MIPEP: variants seen among roughly 807,000 people sequenced by gnomAD.
The protein encoded by MIPEP is mitochondrial intermediate peptidase.
In MIPEP, 79 loss-of-function variants were observed where a neutral mutation model predicts 90.3. The ratio of observed to expected loss-of-function variants is 0.87; its 90% CI spans 0.73 to 1.05. The LOEUF (loss-of-function observed/expected upper bound fraction) is 1.05. Ranked by LOEUF, MIPEP falls within the 50% of genes least tolerant of loss-of-function variation. MIPEP has a pLI of 0.00. For missense variants in MIPEP, 940 were observed against 905.6 expected (o/e 1.04, Z -0.49); for synonymous variants, 334 against 315.8 (o/e 1.06, Z -0.61).
At position 23,772,871 on chromosome 13, in the gene MIPEP, TC is replaced by T. The variant is rs536453369; in HGVS notation, c.1849-12655del. ...TTCCCTGCTCTAAGACAGTGACTCT[TC>T]TTTAAAAAATTGAGATAAACATCAC... On this transcript the variant is annotated intron_variant, in intron 16 of 18. Coordinates refer to ENST00000382172, the MANE Select transcript of MIPEP (RefSeq NM_005932.4). 5.4e-3 allele frequency among the ~76,000 whole-genome samples: 821 copies of T among 152,230 alleles called. 9 individuals are homozygous for T. The highest frequency in any genetic ancestry group is 0.019 in the African/African-American group (788 of 41,484).
chr13:23,861,827 T>C (rs1015791973), intron 9 of MIPEP, among the ~76,000 whole-genome samples: 3 of 152,186 alleles, frequency 2.0e-5, no homozygotes, highest in African/African-American at 7.2e-5. Flanking sequence ...TATAATCATA[T>C]GATTGAAAAC....
chr13:23,744,377 G>GA (rs963679141), intron 18 of MIPEP, among the ~76,000 whole-genome samples: 9 of 151,682 alleles, frequency 5.9e-5, no homozygotes, highest in Admixed American at 2.0e-4. Context: ...AAGAGCAAGG[G>GA]AAAAAAAATA....
At chr13:23,750,733 T>G (rs1435549573) in intron 18 of MIPEP, among the ~76,000 whole-genome samples, 1 of 152,236 alleles carries the variant, frequency 6.6e-6, no homozygotes, top group Non-Finnish European at 1.5e-5. Flanking sequence ...TACTTGGAAC[T>G]CTTCTCTATG....
At chr13:23,866,688 C>T (rs750128275) in intron 7 of MIPEP, among the ~76,000 whole-genome samples, 30 of 152,290 alleles carry the variant, frequency 2.0e-4, no homozygotes, top group Non-Finnish European at 4.0e-4. Flanking sequence ...AACTTGAAGG[C>T]CCCAGAGCGC....
At chr13:23,753,837 AT>A (rs1952465555) in intron 18 of MIPEP, among the ~76,000 whole-genome samples, 1 of 152,202 alleles carries the variant, frequency 6.6e-6, no homozygotes, top group African/African-American at 2.4e-5. Context: ...TTATTCAAAG[AT>A]CAAAAGCATT....
At chr13:23,834,267 G>A (rs961222617) in intron 14 of MIPEP, among the ~76,000 whole-genome samples, 15 of 152,082 alleles carry the variant, frequency 9.9e-5, no homozygotes, top group African/African-American at 3.4e-4. Context: ...TTTGATTCCC[G>A]CCTGAAAGCC....
chr13:23,786,904 C>G (rs562719382), intron 16 of MIPEP, among the ~76,000 whole-genome samples: 1 of 152,234 alleles, frequency 6.6e-6, no homozygotes, highest in Non-Finnish European at 1.5e-5. Context: ...TGCAGACCTT[C>G]TATAATAACG....
rs140907467 is a variant in MIPEP, at chr13:23,869,342, T to C, written c.893A>G (p.Tyr298Cys). Residue 298 changes from tyrosine to cysteine, a missense_variant, in exon 7 of 19, where the codon TAT (tyrosine) becomes TGT (cysteine). Tyr to Cys is a radical substitution (Grantham distance 194). Coordinates refer to ENST00000382172, the MANE Select transcript of MIPEP (RefSeq NM_005932.4). ...GAGAGCCCTGTGAGAAAACGTGGAA[T>C]ACCCCACCAACTTTGCCAGAAGATC... ...SRDLLAKLVG[Y>C]STFSHRALQG... 2.4e-5 allele frequency: 38 copies of C among 1,612,876 alleles called. No homozygotes were observed. The Middle Eastern group carries it at 5.0e-4, about 21-fold the overall frequency.
intron 16 of MIPEP, among the ~76,000 whole-genome samples, chr13:23,796,240 G>A (rs549634453): frequency 1.5e-4 from 23 of 152,084 alleles, no homozygotes; most frequent in Admixed American, 3.9e-4. Flanking sequence ...CCAATATGGC[G>A]AAACCACATC....
chr13:23,866,706 G>C (rs1870554405), intron 7 of MIPEP, among the ~76,000 whole-genome samples: 1 of 152,116 alleles, frequency 6.6e-6, no homozygotes, highest in Admixed American at 6.5e-5. Context: ...CGCAGTCCTT[G>C]GACTTGTTCT....
intron 16 of MIPEP, among the ~76,000 whole-genome samples, chr13:23,797,171 C>T (rs569093588): frequency 1.3e-3 from 201 of 152,284 alleles, no homozygotes; most frequent in African/African-American, 4.6e-3. Context: ...TGCCCTTTGA[C>T]GGACACACCT....
chr13:23,735,611 A>G (rs899875181), intron 18 of MIPEP, among the ~76,000 whole-genome samples: 2 of 150,964 alleles, frequency 1.3e-5, no homozygotes, highest in African/African-American at 4.9e-5. Context: ...CCCACCTTAA[A>G]CAATTCCTGT....
chr13:23,888,914 G>C (rs1287430370), intron 1 of MIPEP: 1 of 524,058 alleles, frequency 1.9e-6, no homozygotes, highest in African/African-American at 2.0e-5. Context: ...GCAGTTCCCG[G>C]ACCCGACACT....
At chr13:23,812,893 A>G (rs894186267) in intron 14 of MIPEP, among the ~76,000 whole-genome samples, 1 of 152,258 alleles carries the variant, frequency 6.6e-6, no homozygotes, top group Non-Finnish European at 1.5e-5. Flanking sequence ...TAAGTAGAGA[A>G]TAAGTACAAT....
chr13:23,814,264 T>A (rs1044406078), intron 14 of MIPEP, among the ~76,000 whole-genome samples: 4 of 149,530 alleles, frequency 2.7e-5, no homozygotes, highest in African/African-American at 7.3e-5. Flanking sequence ...TAAAAACAAA[T>A]TTTTTTTTTT....
chr13:23,760,952 T>C (rs1004428231), intron 16 of MIPEP, among the ~76,000 whole-genome samples: 1 of 152,178 alleles, frequency 6.6e-6, no homozygotes, highest in African/African-American at 2.4e-5. Flanking sequence ...TACTCTGCAA[T>C]GATTCTCTGT....
chr13:23,856,118 C>T (rs1042226718), intron 10 of MIPEP, among the ~76,000 whole-genome samples: 1 of 152,238 alleles, frequency 6.6e-6, no homozygotes, highest in Non-Finnish European at 1.5e-5. Context: ...ACACATTTAA[C>T]ATCCAGAACA....
chr13:23,869,797 TTAAAAA>T (rs1452065156), intron 6 of MIPEP, among the ~76,000 whole-genome samples: 1 of 152,220 alleles, frequency 6.6e-6, no homozygotes, highest in Non-Finnish European at 1.5e-5. Flanking sequence ...TAATCATACT[TTAAAAA>T]TAAGGAGTCT....
intron 18 of MIPEP, among the ~76,000 whole-genome samples, chr13:23,738,195 A>T (rs922181064): frequency 2.8e-4 from 42 of 152,184 alleles, no homozygotes; most frequent in Non-Finnish European, 1.0e-4. Context: ...TATTAGGAAG[A>T]TGTTATATAT....
Sources: gnomAD v4.1 joint callset for allele counts (sites outside exome capture counted in the v4.1 genomes callset) on GRCh38, gnomAD v4.1.1 for gene constraint, MANE v1.5 for transcripts, NCBI Gene and HGNC (gene_info 2026-07-23, HGNC 2026-07-21) for gene names.